The following CSMD1 variants were observed in gnomAD, a reference collection of about 807,000 sequenced individuals.
The protein encoded by CSMD1 is CUB and Sushi multiple domains 1.
CSMD1 carries 213 observed loss-of-function variants against 417.5 expected under a neutral mutation model. That is an observed-to-expected ratio of 0.51 (90% CI 0.46 to 0.57). CSMD1 has a LOEUF of 0.57. CSMD1 is among the 20% of genes least tolerant of loss of function. The probability of loss-of-function intolerance (pLI) is 0.00; values close to 1 mark genes in which losing one functional copy is unlikely to be tolerated. For missense variants in CSMD1, 6,923 were observed against 4,529.7 expected, an observed-to-expected ratio of 1.53 and a Z score of -15.17; for synonymous variants, 2,862 against 1,736.8, an observed-to-expected ratio of 1.65 and a Z score of -16.11.
At chr8:4,577,878 CTAAA>C (rs1799209651) in intron 2 of CSMD1, among the ~76,000 whole-genome samples, 1 of 152,104 alleles carries the variant, frequency 6.6e-6, no homozygotes, top group African/African-American at 2.4e-5. Context: ...TATTTAATAA[CTAAA>C]TATATAGTAA....
chr8:3,340,069 A>G (rs958249010), intron 23 of CSMD1, among the ~76,000 whole-genome samples: 1 of 152,204 alleles, frequency 6.6e-6, no homozygotes. Context: ...ATTCCTCTGC[A>G]TGTATCAATA....
intron 5 of CSMD1, among the ~76,000 whole-genome samples, chr8:3,947,099 G>C (rs187365689): frequency 6.6e-6 from 1 of 152,164 alleles, no homozygotes; most frequent in Non-Finnish European, 1.5e-5. Context: ...TATTATTTTT[G>C]TTTCTGATTT....
intron 1 of CSMD1, among the ~76,000 whole-genome samples, chr8:4,812,269 G>C (rs938614686): frequency 2.6e-5 from 4 of 152,288 alleles, no homozygotes; most frequent in African/African-American, 4.8e-5. Flanking sequence ...ATAGTTCTAA[G>C]TTTGTCGGGG....
chr8:3,500,965 T>C (rs1796575911), intron 10 of CSMD1, among the ~76,000 whole-genome samples: 1 of 152,204 alleles, frequency 6.6e-6, no homozygotes, highest in Non-Finnish European at 1.5e-5. Context: ...ATTCAATAAG[T>C]ATATAAATGA....
At chr8:3,923,719 G>A (rs1323828155) in intron 5 of CSMD1, among the ~76,000 whole-genome samples, 1 of 151,928 alleles carries the variant, frequency 6.6e-6, no homozygotes, top group African/African-American at 2.4e-5. Context: ...TAGTTCTTAT[G>A]CTTCCTGTCT....
At chr8:4,899,648 A>C (rs1804735650) in intron 1 of CSMD1, among the ~76,000 whole-genome samples, 1 of 152,176 alleles carries the variant, frequency 6.6e-6, no homozygotes. Context: ...GTAGTTTTGC[A>C]AAAATATAAG....
intron 1 of CSMD1, among the ~76,000 whole-genome samples, chr8:4,884,714 C>T (rs976406270): frequency 2.6e-5 from 4 of 151,994 alleles, no homozygotes; most frequent in Admixed American, 6.6e-5. Flanking sequence ...TCTCAGTTTC[C>T]TTCCTTGGAT....
rs752743898 is a variant in CSMD1, at chr8:2,963,393, C to A, written c.9283G>T (p.Val3095Leu). The change falls in exon 60 of 70, where the codon GTG (valine) becomes TTG (leucine). Residue 3095 changes from valine to leucine, a missense_variant and splice_region_variant. Physicochemically the swap from Val to Leu is conservative, Grantham distance 32. Transcript: ENST00000635120. Reference protein sequence around the residue: ...WNPSKPVCKAVLCPQPPPVQN... With the variant: ...WNPSKPVCKALLCPQPPPVQN... ...ACCGGCGGCGGCTGAGGACACAGCACGGCTATTTCCAAAGAACAAACAAGA... is the reference window on the plus strand; with the variant it reads ...ACCGGCGGCGGCTGAGGACACAGCAAGGCTATTTCCAAAGAACAAACAAGA... 3 of 1,613,358 alleles carry A rather than the reference C, an allele frequency of 1.9e-6. 1 individual carries two copies. The highest frequency in any genetic ancestry group is 4.5e-5 in the East Asian group (2 of 44,848).
At chr8:3,721,177 T>A (rs1373773581) in intron 6 of CSMD1, among the ~76,000 whole-genome samples, 1 of 152,184 alleles carries the variant, frequency 6.6e-6, no homozygotes, top group African/African-American at 2.4e-5. Context: ...ACCATTTTTT[T>A]TTCTCCAGCC....
chr8:3,627,643 T>C (rs1202526345), intron 7 of CSMD1, among the ~76,000 whole-genome samples: 1 of 152,180 alleles, frequency 6.6e-6, no homozygotes, highest in Non-Finnish European at 1.5e-5. Context: ...TATGAGATAA[T>C]AATAAAACAG....
At chr8:4,088,138 A>G (rs1451639301) in intron 3 of CSMD1, among the ~76,000 whole-genome samples, 1 of 152,224 alleles carries the variant, frequency 6.6e-6, no homozygotes, top group South Asian at 2.1e-4. Flanking sequence ...TGAGGAGGAC[A>G]CTGCCCATTC....
Position 3,349,604 on chromosome 8 carries a change from A to G in CSMD1, c.3305-1443T>C, listed in dbSNP as rs1177712271. Among the ~76,000 whole-genome samples the G allele has an allele frequency of 4.6e-5, 7 of 151,848 alleles. No individual in the cohort carries two copies. In the East Asian group the frequency reaches 1.4e-3, roughly 29 times the overall value. On this transcript the variant is annotated intron_variant, in intron 21 of 69. Transcript: ENST00000635120. ...TCAAAGATGCCATTGGGAATTTATA[A>G]TCATTTTAAGAAATTACAGTAATTA...
intron 48 of CSMD1, among the ~76,000 whole-genome samples, chr8:3,090,495 G>A (rs949641603): frequency 6.6e-6 from 1 of 152,046 alleles, no homozygotes; most frequent in Non-Finnish European, 1.5e-5. Context: ...CACATCAAGG[G>A]CCTTTCAAAA....
chr8:3,638,445 A>G (rs1008101925), intron 7 of CSMD1, among the ~76,000 whole-genome samples: 2 of 152,040 alleles, frequency 1.3e-5, no homozygotes, highest in Non-Finnish European at 2.9e-5. Context: ...ACCCCTCCAA[A>G]AAAAAAAACA....
At chr8:3,517,009 T>A (rs1036146120) in intron 10 of CSMD1, among the ~76,000 whole-genome samples, 2 of 152,082 alleles carry the variant, frequency 1.3e-5, no homozygotes, top group African/African-American at 4.8e-5. Context: ...ACTGGTTAGG[T>A]GTCATGGTGA....
At chr8:3,658,462 T>TTATATATA (rs1563242708) in intron 7 of CSMD1, among the ~76,000 whole-genome samples, 1 of 44,752 alleles carries the variant, frequency 2.2e-5, no homozygotes, top group Non-Finnish European at 6.1e-5. Context: ...AATATATATA[T>TTATATATA]TGTGTATATA....
intron 3 of CSMD1, among the ~76,000 whole-genome samples, chr8:4,162,083 G>A (rs775208755): frequency 6.6e-6 from 1 of 152,112 alleles, no homozygotes; most frequent in East Asian, 1.9e-4. Context: ...TAAGCATTAA[G>A]GCAACATTTA....
intron 30 of CSMD1, among the ~76,000 whole-genome samples, chr8:3,209,758 A>G (rs984877273): frequency 4.6e-5 from 7 of 152,250 alleles, no homozygotes; most frequent in Non-Finnish European, 8.8e-5. Context: ...TTGGTAATTA[A>G]CATATTAAAC....
chr8:4,541,632 C>T (rs1797391797), intron 2 of CSMD1, among the ~76,000 whole-genome samples: 1 of 151,984 alleles, frequency 6.6e-6, no homozygotes, highest in Non-Finnish European at 1.5e-5. Flanking sequence ...CCTGTAATCC[C>T]AACTACTCAG....
Sources: gnomAD v4.1 joint callset for allele counts (sites outside exome capture counted in the v4.1 genomes callset) on GRCh38, gnomAD v4.1.1 for gene constraint, MANE v1.5 for transcripts, NCBI Gene and HGNC (gene_info 2026-07-23, HGNC 2026-07-21) for gene names.